The following COL21A1 variants were observed in gnomAD, a reference collection of about 807,000 sequenced individuals.
The protein encoded by COL21A1 is collagen alpha-1(XXI) chain.
A neutral mutation model predicts 137.9 loss-of-function variants in COL21A1; 149 were observed. The observed-to-expected ratio is 1.08, with a 90% CI of 0.95 to 1.24. The LOEUF is 1.24. COL21A1 is among the 50% of genes most tolerant of loss of function. COL21A1 has a pLI of 0.00. For missense variants in COL21A1, 1,167 were observed against 1,158.4 expected (o/e 1.01, Z -0.11); for synonymous variants, 456 against 391.5 (o/e 1.16, Z -1.95).
At chr6:56,281,784 G>C (rs991756465) in intron 1 of COL21A1, among the ~76,000 whole-genome samples, 6 of 152,132 alleles carry the variant, frequency 3.9e-5, no homozygotes, top group Admixed American at 3.3e-4. Flanking sequence ...GCATCGACTA[G>C]GTAGAAGACT....
At chr6:56,292,964 T>C (rs955631049) in intron 1 of COL21A1, among the ~76,000 whole-genome samples, 3 of 152,320 alleles carry the variant, frequency 2.0e-5, no homozygotes, top group South Asian at 2.1e-4. Flanking sequence ...TATATACATA[T>C]GTATTCAATT....
At chr6:56,349,204 G>A (rs910919390) in intron 1 of COL21A1, among the ~76,000 whole-genome samples, 5 of 152,088 alleles carry the variant, frequency 3.3e-5, no homozygotes, top group African/African-American at 1.2e-4. Context: ...TTAGTGAGAC[G>A]GGAAATTTAT....
chr6:56,272,767 G>T (rs1219033649), intron 1 of COL21A1, among the ~76,000 whole-genome samples: 1 of 152,030 alleles, frequency 6.6e-6, no homozygotes, highest in African/African-American at 2.4e-5. Flanking sequence ...AGTTTCCCCT[G>T]AACTCTCTCT....
chr6:56,229,795 C>T (rs776124662), intron 1 of COL21A1, among the ~76,000 whole-genome samples: 6 of 152,014 alleles, frequency 3.9e-5, no homozygotes, highest in East Asian at 3.9e-4. Context: ...GGCCAGAAAA[C>T]GTAATCTGAC....
intron 1 of COL21A1, among the ~76,000 whole-genome samples, chr6:56,211,150 G>A (rs1780133943): frequency 8.0e-6 from 1 of 125,352 alleles, no homozygotes; most frequent in Non-Finnish European, 1.7e-5. Flanking sequence ...CTATATTTGT[G>A]TAAATTTTGT....
chr6:56,333,147 A>C (rs565136513), intron 1 of COL21A1, among the ~76,000 whole-genome samples: 41 of 152,134 alleles, frequency 2.7e-4, no homozygotes, highest in South Asian at 2.5e-3. Flanking sequence ...AATAAACTAC[A>C]CATGTTTAAA....
intron 17 of COL21A1, among the ~76,000 whole-genome samples, chr6:56,088,560 A>G (rs1768486126): frequency 6.6e-6 from 1 of 152,070 alleles, no homozygotes; most frequent in African/African-American, 2.4e-5. Flanking sequence ...TTTTTTTACA[A>G]TGGTCCTTAC....
At chr6:56,107,386 CAG>C (rs1343970598) in intron 16 of COL21A1, among the ~76,000 whole-genome samples, 2 of 151,092 alleles carry the variant, frequency 1.3e-5, no homozygotes, top group Middle Eastern at 3.2e-3. Flanking sequence ...AAAAAAGTAA[CAG>C]AATTTATATT....
At chr6:56,283,322 T>C (rs1309378461) in intron 1 of COL21A1, among the ~76,000 whole-genome samples, 1 of 152,042 alleles carries the variant, frequency 6.6e-6, no homozygotes, top group Non-Finnish European at 1.5e-5. Context: ...ATTAAAATGG[T>C]TTTTTGACAA....
intron 10 of COL21A1, among the ~76,000 whole-genome samples, chr6:56,150,004 T>C (rs1348080062): frequency 6.6e-6 from 1 of 152,216 alleles, no homozygotes; most frequent in African/African-American, 2.4e-5. Flanking sequence ...AAGAACTCTA[T>C]GCCATCTTCC....
intron 1 of COL21A1, among the ~76,000 whole-genome samples, chr6:56,238,430 TAAAAAAAAA>T (rs548005509): frequency 2.2e-5 from 2 of 91,520 alleles, no homozygotes; most frequent in Admixed American, 1.2e-4. Flanking sequence ...GCAGTCTTCT[TAAAAAAAAA>T]AAAAAAAAAA....
At chr6:56,272,047 C>A (rs1184357808) in intron 1 of COL21A1, among the ~76,000 whole-genome samples, 1 of 152,204 alleles carries the variant, frequency 6.6e-6, no homozygotes, top group East Asian at 1.9e-4. Flanking sequence ...GGGTTGGAAC[C>A]CCCAAGCAGA....
chr6:56,266,379 T>A (rs72877966), intron 1 of COL21A1, among the ~76,000 whole-genome samples: 2 of 152,126 alleles, frequency 1.3e-5, no homozygotes, highest in East Asian at 3.9e-4. Context: ...AACACAGCCA[T>A]GATCTTTTTT....
At chr6:56,288,565 G>A (rs1763967676) in intron 1 of COL21A1, among the ~76,000 whole-genome samples, 1 of 152,150 alleles carries the variant, frequency 6.6e-6, no homozygotes, top group Non-Finnish European at 1.5e-5. Flanking sequence ...TACCTCCTAA[G>A]GGCCAGCCAA....
chr6:56,102,610 C>T (rs1422540617), intron 16 of COL21A1, among the ~76,000 whole-genome samples: 2 of 152,132 alleles, frequency 1.3e-5, no homozygotes, highest in Non-Finnish European at 2.9e-5. Flanking sequence ...ACACTGTCAT[C>T]CATAATTTCA....
chr6:56,086,425 G>A (rs749162801), intron 17 of COL21A1, among the ~76,000 whole-genome samples: 5 of 132,532 alleles, frequency 3.8e-5, no homozygotes, highest in South Asian at 2.6e-4. Context: ...CAATTAATAC[G>A]TGTTTTGGAT....
intron 17 of COL21A1, among the ~76,000 whole-genome samples, chr6:56,093,040 C>T (rs1768988044): frequency 6.6e-6 from 1 of 152,118 alleles, no homozygotes; most frequent in Non-Finnish European, 1.5e-5. Context: ...TTTCCTCTGC[C>T]TCTCTCTTAC....
At chr6:56,383,904 T>C (rs575957201) in intron 1 of COL21A1, among the ~76,000 whole-genome samples, 127 of 152,348 alleles carry the variant, frequency 8.3e-4, no homozygotes, top group African/African-American at 2.9e-3. Context: ...CTTTCCTCTA[T>C]AGCTCGAGGC....
chr6:56,262,896 C>A (rs1391107172), intron 1 of COL21A1, among the ~76,000 whole-genome samples: 2 of 152,208 alleles, frequency 1.3e-5, no homozygotes, highest in African/African-American at 4.8e-5. Context: ...GGTGAGGACA[C>A]AGACCTGGTG....
Sources: allele counts gnomAD v4.1 joint callset (sites outside exome capture counted in the v4.1 genomes callset), GRCh38; gene constraint gnomAD v4.1.1; transcripts MANE v1.5; gene names NCBI Gene and HGNC (gene_info 2026-07-23, HGNC 2026-07-21).